The following ATP6V1G3 variants were observed in gnomAD, a reference collection of about 807,000 sequenced individuals.
ATP6V1G3 encodes the protein V-type proton ATPase subunit G 3.
A neutral mutation model predicts 9.3 loss-of-function variants in ATP6V1G3; 9 were observed. The observed-to-expected ratio is 0.97, with a 90% CI of 0.59 to 1.69. The LOEUF is 1.69. Among genes scored for constraint, ATP6V1G3 ranks in the 40% most tolerant of loss-of-function variants. ATP6V1G3 has a pLI of 0.00. For missense variants in ATP6V1G3, 133 were observed against 139.0 expected, an observed-to-expected ratio of 0.96 and a Z score of 0.22; for synonymous variants, 43 against 43.8, an observed-to-expected ratio of 0.98 and a Z score of 0.07.
intron 2 of ATP6V1G3, among the ~76,000 whole-genome samples, chr1:198,524,793 A>C (rs933107061): frequency 6.6e-6 from 1 of 152,222 alleles, no homozygotes; most frequent in African/African-American, 2.4e-5. Flanking sequence ...AAAGGCAAGA[A>C]GACTGTTTTA....
intron 1 of ATP6V1G3, among the ~76,000 whole-genome samples, chr1:198,540,088 T>G (rs1025855501): frequency 3.3e-5 from 5 of 151,694 alleles, no homozygotes; most frequent in African/African-American, 1.2e-4. Context: ...AAAAGAGAGG[T>G]AGAAAATGAG....
rs553148616 is a variant in ATP6V1G3 at position 198,534,097 on chromosome 1, A to C, written c.83-4916T>G. Among the ~76,000 whole-genome samples, 9 of 152,328 alleles carry C rather than the reference A, an allele frequency of 5.9e-5. 1 individual carries two copies. The South Asian group carries it at 1.7e-3, about 28-fold the overall frequency. On this transcript the variant is annotated intron_variant, in intron 1 of 2. Coordinates refer to ENST00000367382, the MANE Select transcript of ATP6V1G3 (RefSeq NM_001376861.1). ...GTGGTCAAGTGGATTTGACAGCTAG[A>C]GGATTTAATTGTGCCCCCCGAAAAC...
At position 198,529,127 on chromosome 1, in the gene ATP6V1G3, T is replaced by C; in HGVS notation, c.137A>G (p.Gln46Arg). 2.0e-6 allele frequency: 3 copies of C among 1,476,524 alleles called. No homozygotes were observed. Among genetic ancestry groups the C allele is most frequent in the Non-Finnish European group, 1.8e-6 (2 of 1,105,898 alleles). 91.5% of individuals were successfully genotyped at this position (1,476,524 alleles called of 1,614,324 possible). The change falls in exon 2 of 3, where the codon CAG (glutamine) becomes CGG (arginine). Residue 46 changes from glutamine to arginine, a missense_variant. By Grantham distance (43) the Gln-to-Arg change is conservative. Coordinates refer to ENST00000367382, the MANE Select transcript of ATP6V1G3 (RefSeq NM_001376861.1). ...CTCTTTATCTCTCTGCATTCTGTACTGGTCAATTTCTACCATTGCTTCCTC... is the reference window on the plus strand; with the variant it reads ...CTCTTTATCTCTCTGCATTCTGTACCGGTCAATTTCTACCATTGCTTCCTC... ...AKEEAMVEID[Q>R]YRMQRDKEFR...
intron 1 of ATP6V1G3, among the ~76,000 whole-genome samples, chr1:198,539,321 C>A (rs995033968): frequency 1.3e-5 from 2 of 152,230 alleles, no homozygotes; most frequent in Non-Finnish European, 2.9e-5. Flanking sequence ...GTACCTACTC[C>A]AATCCCATCA....
chr1:198,524,660 A>C (rs1287972197), intron 2 of ATP6V1G3, among the ~76,000 whole-genome samples: 1 of 152,152 alleles, frequency 6.6e-6, no homozygotes, highest in Non-Finnish European at 1.5e-5. Flanking sequence ...TCACCAGAGG[A>C]GTTAACAATT....
At position 198,540,601 on chromosome 1, in the gene ATP6V1G3, C is replaced by T. The variant is rs77891982; in HGVS notation, c.50G>A (p.Arg17Gln). 1.5e-3 allele frequency: 2,498 copies of T among 1,614,064 alleles called. 36 individuals carry two copies. In the African/African-American group the frequency reaches 0.026, roughly 17 times the overall value. ...GIHQLLQAEK[R>Q]AKDKLEEAKK... ...GGCTTCCTCTAGCTTGTCCTTGGCC[C>T]GTTTTTCTGCCTGAAGAAGCTGGTG... The change falls in exon 1 of 3, where the codon CGG (arginine) becomes CAG (glutamine). Residue 17 changes from arginine (R) to glutamine (Q), a missense_variant. By Grantham distance (43) the Arg-to-Gln change is conservative. Coordinates refer to ENST00000367382, the MANE Select transcript of ATP6V1G3 (RefSeq NM_001376861.1).
chr1:198,532,998 C>T (rs1175729881), intron 1 of ATP6V1G3, among the ~76,000 whole-genome samples: 4 of 152,068 alleles, frequency 2.6e-5, no homozygotes, highest in Non-Finnish European at 5.9e-5. Flanking sequence ...TGACATAATA[C>T]TACTTGTAAT....
intron 1 of ATP6V1G3, among the ~76,000 whole-genome samples, chr1:198,534,494 ATCAATT>A (rs1478835626): frequency 6.6e-6 from 1 of 152,154 alleles, no homozygotes; most frequent in Non-Finnish European, 1.5e-5. Context: ...TGGTGAGATA[ATCAATT>A]TCTGTTTAAA....
At chr1:198,523,950 A>C (rs1271415885) in intron 2 of ATP6V1G3, among the ~76,000 whole-genome samples, 1 of 152,140 alleles carries the variant, frequency 6.6e-6, no homozygotes, top group South Asian at 2.1e-4. Context: ...ACAGAGTTGA[A>C]AGACACCATT....
In ATP6V1G3 at chr1:198,523,446, C is replaced by T. The variant is rs770235507; in HGVS notation, c.302G>A (p.Ser101Asn). ...YMESVMNQLL[S>N]MVCDMKPEIH... ...TTCTGGTTTCATGTCACAGACCATG[C>T]TCAAGAGCTGGTTCATCACACTTTC... Residue 101 changes from serine to asparagine, a missense_variant, in exon 3 of 3, where the codon AGC (serine) becomes AAC (asparagine). Transcript: ENST00000367382. 64 of 1,613,370 alleles carry T rather than the reference C, an allele frequency of 4.0e-5. No homozygotes were observed. The highest frequency in any genetic ancestry group is 5.3e-5 in the Non-Finnish European group (63 of 1,179,734).
intron 2 of ATP6V1G3, among the ~76,000 whole-genome samples, chr1:198,525,390 T>A (rs1659614514): frequency 6.6e-6 from 1 of 152,198 alleles, no homozygotes; most frequent in Admixed American, 6.5e-5. Flanking sequence ...CTGTTGTGAA[T>A]GACTTTGGAA....
At chr1:198,536,722 G>T in intron 1 of ATP6V1G3, 1 of 1,604,432 alleles carries the variant, frequency 6.2e-7, no homozygotes, top group Non-Finnish European at 8.5e-7. Flanking sequence ...AGTAGATGCA[G>T]AACTTACAGC....
intron 1 of ATP6V1G3, among the ~76,000 whole-genome samples, chr1:198,536,177 A>C (rs1290114963): frequency 6.6e-6 from 1 of 152,188 alleles, no homozygotes; most frequent in Non-Finnish European, 1.5e-5. Context: ...TGTGATGTTG[A>C]ATTGCATGCA....
chr1:198,539,144 T>C (rs1007969162), intron 1 of ATP6V1G3, among the ~76,000 whole-genome samples: 1 of 152,234 alleles, frequency 6.6e-6, no homozygotes, highest in Non-Finnish European at 1.5e-5. Context: ...ATTCCTTTTA[T>C]GTTGTTGATG....
intron 1 of ATP6V1G3, among the ~76,000 whole-genome samples, chr1:198,533,684 C>T (rs1283206227): frequency 1.3e-5 from 2 of 152,102 alleles, no homozygotes; most frequent in South Asian, 2.1e-4. Context: ...TGGGAGTCAT[C>T]AACTTGAAGC....
At chr1:198,524,819 T>C (rs1163566151) in intron 2 of ATP6V1G3, among the ~76,000 whole-genome samples, 2 of 152,226 alleles carry the variant, frequency 1.3e-5, no homozygotes, top group African/African-American at 4.8e-5. Context: ...GTTTGCTTTT[T>C]CCGTCTGAGA....
Position 198,538,015 on chromosome 1 carries a change from C to G in ATP6V1G3, c.82+2554G>C, listed in dbSNP as rs183258037. 2.1e-3 allele frequency among the ~76,000 whole-genome samples: 325 copies of G among 152,276 alleles called. 3 individuals are homozygous for G. The highest frequency in any genetic ancestry group is 0.019 in the Admixed American group (298 of 15,284). ...TCTATCCAGTTAAAACTGACCTCAA[C>G]GCCTGTGGCTTCTGAGGCAAAGAGG... is the stretch of plus-strand genomic sequence containing the variant. On this transcript the variant is annotated intron_variant, in intron 1 of 2. Transcript: ENST00000367382.
At chr1:198,523,904 C>T (rs1659551061) in intron 2 of ATP6V1G3, among the ~76,000 whole-genome samples, 1 of 152,028 alleles carries the variant, frequency 6.6e-6, no homozygotes. Context: ...CCCATATATT[C>T]CCTATTGTTT....
chr1:198,540,856 G>T, upstream of ATP6V1G3: 2 of 594,650 alleles, frequency 3.4e-6, no homozygotes, highest in Non-Finnish European at 6.0e-6. Flanking sequence ...AAACCAATGT[G>T]CATAAATTGA....
Sources: allele counts gnomAD v4.1 joint callset (sites outside exome capture counted in the v4.1 genomes callset), GRCh38; gene constraint gnomAD v4.1.1; transcripts MANE v1.5; gene names NCBI Gene and HGNC (gene_info 2026-07-23, HGNC 2026-07-21).